Variants in DNAH5 observed in about 807,000 individuals in gnomAD.
DNAH5 encodes axonemal beta dynein heavy chain 5.
Under a neutral mutation model 518.2 loss-of-function variants are expected in DNAH5, and 372 were observed. The observed-to-expected ratio is 0.72, with a 90% CI of 0.66 to 0.78. DNAH5 has a LOEUF of 0.78. Ranked by LOEUF, DNAH5 falls within the 30% of genes least tolerant of loss-of-function variation. The pLI is 0.00. For missense variants in DNAH5, 5,523 were observed against 5,687.0 expected, an observed-to-expected ratio of 0.97 and a Z score of 0.93; for synonymous variants, 2,039 against 2,025.9, an observed-to-expected ratio of 1.01 and a Z score of -0.17.
At position 13,737,328 on chromosome 5, in the gene DNAH5, C is replaced by T; in HGVS notation, c.11379G>A (p.Glu3793=). 1 of 1,614,086 alleles carries T rather than the reference C, an allele frequency of 6.2e-7. No homozygotes were observed. The highest frequency in any genetic ancestry group is 8.5e-7 in the Non-Finnish European group (1 of 1,180,000). The change falls in exon 66 of 79, where the codon GAG becomes GAA. Residue 3793 remains glutamate, a synonymous_variant. Transcript: ENST00000265104. ...VVLSNTKRTA[E]EVTQKLEISA... is the part of the protein sequence containing the mutation. ...AAATTTCTAGCTTCTGTGTCACCTC[C>T]TCGGCTGTCCTTTTTGTGTTACTCA...
intron 65 of DNAH5, among the ~76,000 whole-genome samples, chr5:13,746,029 A>T (rs533072480): frequency 1.3e-5 from 2 of 152,236 alleles, no homozygotes; most frequent in South Asian, 4.1e-4. Flanking sequence ...TACTTCTTTG[A>T]CTTATAAGAC....
At chr5:13,871,082 T>A in intron 23 of DNAH5, 80 bp from the exon 24 acceptor site, 2 of 1,055,746 alleles carry the variant, frequency 1.9e-6, no homozygotes, top group Non-Finnish European at 2.8e-6. Flanking sequence ...TGTTCTCCAG[T>A]AGTAAATATT....
Position 13,733,358 on chromosome 5 carries a change from G to A in DNAH5, c.11761+1773C>T, listed in dbSNP as rs76860401. Among the ~76,000 whole-genome samples, 23 of 152,284 alleles carry A rather than the reference G, an allele frequency of 1.5e-4. No individual in the cohort carries two copies. In the East Asian group the frequency reaches 4.3e-3, roughly 28 times the overall value. On this transcript the variant is annotated intron_variant, in intron 68 of 78. Transcript: ENST00000265104. Reference sequence around the variant, plus strand: ...ACAAGAGCTGGACACTCTCTTCAAAGTTATTTCTATGTGGAAATACATTTC... The same window carrying A: ...ACAAGAGCTGGACACTCTCTTCAAAATTATTTCTATGTGGAAATACATTTC...
intron 22 of DNAH5, among the ~76,000 whole-genome samples, chr5:13,874,727 A>G (rs1770625981): frequency 6.6e-6 from 1 of 152,184 alleles, no homozygotes; most frequent in African/African-American, 2.4e-5. Flanking sequence ...CATATTGGCT[A>G]GGCTGGTCTC....
At chr5:13,878,285 A>T (rs550277862) in intron 21 of DNAH5, among the ~76,000 whole-genome samples, 2 of 152,202 alleles carry the variant, frequency 1.3e-5, no homozygotes, top group Non-Finnish European at 2.9e-5. Context: ...GCATATGTGA[A>T]TTTCCCCAGA....
chr5:13,842,797 C>T (rs1352578648), intron 32 of DNAH5, among the ~76,000 whole-genome samples: 1 of 152,130 alleles, frequency 6.6e-6, no homozygotes, highest in Non-Finnish European at 1.5e-5. Context: ...AGCACCCACA[C>T]AACCAAAATC....
intron 1 of DNAH5, among the ~76,000 whole-genome samples, chr5:13,942,448 T>C (rs1313852283): frequency 2.0e-5 from 3 of 152,234 alleles, no homozygotes; most frequent in Admixed American, 2.0e-4. Context: ...ATCTTATCAG[T>C]TGACAAACTT....
At chr5:13,834,607 C>T (rs1434797831) in intron 35 of DNAH5, among the ~76,000 whole-genome samples, 3 of 152,090 alleles carry the variant, frequency 2.0e-5, no homozygotes, top group African/African-American at 2.4e-5. Context: ...TTGGAGATTG[C>T]GGGAGGTCGG....
In DNAH5 at chr5:13,841,042, T is replaced by C; in HGVS notation, c.5573A>G (p.Lys1858Arg). The change falls in exon 34 of 79, where the codon AAA becomes AGA. Residue 1858 changes from lysine to arginine, a missense_variant. Lys to Arg is a conservative substitution (Grantham distance 26, BLOSUM62 2). Around this residue, in one of 3 missense-constraint regions of DNAH5, gnomAD observed 5,121 missense variants for 5,223.3 expected, o/e 0.98. Coordinates refer to ENST00000265104, the MANE Select transcript of DNAH5 (RefSeq NM_001369.3). ...NAKFDKKIMQ[K>R]TNQAFLELLN... The stretch of plus-strand genomic sequence containing the variant: ...TAGCTCCAGGAAAGCCTGATTAGTT[T>C]TCTGCATGATTTTTTTATCAAACTT... 1 of 1,614,188 alleles carries C rather than the reference T, an allele frequency of 6.2e-7. No homozygotes were observed. The highest frequency in any genetic ancestry group is 8.5e-7 in the Non-Finnish European group (1 of 1,180,008).
In DNAH5 at chr5:13,780,831, C is replaced by T. The variant is rs1006363674; in HGVS notation, c.8949G>A (p.Thr2983=). The change falls in exon 53 of 79, where the codon ACG becomes ACA. Residue 2983 remains threonine, a splice_region_variant and synonymous_variant. Transcript: ENST00000265104. ...AGYVSFQITL[T]RSYNTSNLME... is the part of the protein sequence containing the mutation. The stretch of plus-strand genomic sequence containing the variant: ...TTGTTAAAGTAAAAGGTTGTCACCT[C>T]GTCAGAGTGATCTGGAAGGAAACGT... 8 of 1,613,286 alleles carry T rather than the reference C, an allele frequency of 5.0e-6. No homozygotes were observed. Among genetic ancestry groups the T allele is most frequent in the African/African-American group, 1.3e-5 (1 of 74,870 alleles).
rs768964446 is a variant in DNAH5 at position 13,944,488 on chromosome 5, T to G, written c.-50A>C. 5 of 1,546,206 alleles carry G rather than the reference T, an allele frequency of 3.2e-6. No individual in the cohort carries two copies. The South Asian group carries it at 3.4e-5, about 10-fold the overall frequency. On this transcript the variant is annotated 5_prime_UTR_variant, in exon 1 of 79. An upstream open reading frame in the 5' UTR loses its in-frame stop. Transcript: ENST00000265104. Reference sequence around the variant, plus strand: ...AGTCAGCTCTTCCGGAATGGTCTTCTAACTCCTGGCAGACCTGCTCAACAT... The same window carrying G: ...AGTCAGCTCTTCCGGAATGGTCTTCGAACTCCTGGCAGACCTGCTCAACAT...
intron 73 of DNAH5, among the ~76,000 whole-genome samples, chr5:13,716,933 A>G (rs1426213683): frequency 2.0e-5 from 3 of 152,172 alleles, no homozygotes; most frequent in African/African-American, 7.2e-5. Context: ...TTCAATATAA[A>G]TAGAAAATAG....
At chr5:13,962,612 GA>G (rs1480765358) in intron 1 of DNAH5, among the ~76,000 whole-genome samples, 1 of 152,190 alleles carries the variant, frequency 6.6e-6, no homozygotes, top group Non-Finnish European at 1.5e-5. Context: ...AGCAGCTGGA[GA>G]TTTTTAGCCA....
At position 13,758,944 on chromosome 5, in the gene DNAH5, T is replaced by C. The variant is rs773604549; in HGVS notation, c.10321A>G (p.Met3441Val). The change falls in exon 61 of 79, where the codon ATG becomes GTG. Residue 3441 changes from methionine to valine, a missense_variant. Coordinates refer to ENST00000265104, the MANE Select transcript of DNAH5 (RefSeq NM_001369.3). ...VVQENRHLLAMQDLQKAQAEL... is the reference protein window; with the variant it reads ...VVQENRHLLAVQDLQKAQAEL... Reference sequence around the variant, plus strand: ...GCCTGGGCTTTCTGCAGATCCTGCATGGCCAGGAGATGGCGATTCTCTTGC... The same window carrying C: ...GCCTGGGCTTTCTGCAGATCCTGCACGGCCAGGAGATGGCGATTCTCTTGC... 4.3e-6 allele frequency: 7 copies of C among 1,614,068 alleles called. No homozygotes were observed. In the African/African-American group the frequency reaches 6.7e-5, roughly 15 times the overall value.
chr5:13,853,370 C>G (rs2084105), intron 30 of DNAH5, among the ~76,000 whole-genome samples: 1 of 151,942 alleles, frequency 6.6e-6, no homozygotes, highest in Non-Finnish European at 1.5e-5. Context: ...CCGAAGGTCA[C>G]CAACAGCAAA....
rs747422016 is a variant in DNAH5 at position 13,891,171 on chromosome 5, T to C, written c.2432-50A>G. 16 of 1,603,902 alleles carry C rather than the reference T, an allele frequency of 1.0e-5. No homozygotes were observed. The South Asian group carries it at 1.7e-4, about 17-fold the overall frequency. On this transcript the variant is annotated intron_variant, in intron 16 of 78. Coordinates refer to ENST00000265104, the MANE Select transcript of DNAH5 (RefSeq NM_001369.3). ...AAAAGAGATTAGGTAAAGCATTTTG[T>C]TTTTTAAAAAAATCAACACTTGATT...
At chr5:13,794,463 G>A (rs1040543879) in intron 47 of DNAH5, among the ~76,000 whole-genome samples, 2 of 152,152 alleles carry the variant, frequency 1.3e-5, no homozygotes, top group Non-Finnish European at 2.9e-5. Context: ...TCTGCACTCC[G>A]AGCTGCACAG....
chr5:13,982,040 A>C (rs1782709328), intron 1 of DNAH5, among the ~76,000 whole-genome samples: 1 of 152,262 alleles, frequency 6.6e-6, no homozygotes, highest in African/African-American at 2.4e-5. Context: ...AAGAATGTTC[A>C]TGTATAACAA....
chr5:13,796,559 A>G (rs1057512043), intron 47 of DNAH5, among the ~76,000 whole-genome samples: 2 of 152,356 alleles, frequency 1.3e-5, no homozygotes, highest in African/African-American at 2.4e-5. Context: ...GAGGACACGA[A>G]AAAATGGAAG....
Sources: gnomAD v4.1 joint callset for allele counts (sites outside exome capture counted in the v4.1 genomes callset) on GRCh38, gnomAD v4.1.1 for gene constraint, gnomAD v4.1.1 regional missense constraint, MANE v1.5 for transcripts, NCBI Gene and HGNC (gene_info 2026-07-23, HGNC 2026-07-21) for gene names.